PTPRR: variants seen among roughly 807,000 people sequenced by gnomAD.
PTPRR encodes the protein receptor-type tyrosine-protein phosphatase R.
PTPRR carries 38 observed loss-of-function variants against 77.2 expected under a neutral mutation model. That is an observed-to-expected ratio of 0.49 (90% CI 0.38 to 0.65). The LOEUF (loss-of-function observed/expected upper bound fraction) is 0.65. Ranked by LOEUF, PTPRR falls within the 30% of genes least tolerant of loss-of-function variation. PTPRR has a pLI of 0.00. For synonymous variants in PTPRR, 299 were observed against 283.1 expected (o/e 1.06, Z -0.57); for missense variants, 744 against 799.2 (o/e 0.93, Z 0.83).
intron 1 of PTPRR, among the ~76,000 whole-genome samples, chr12:70,905,869 C>A (rs1373700611): frequency 6.6e-6 from 1 of 151,892 alleles, no homozygotes; most frequent in East Asian, 1.9e-4. Context: ...ACTGTGTAAT[C>A]ATTTTTTGAA....
intron 2 of PTPRR, among the ~76,000 whole-genome samples, chr12:70,844,218 C>T (rs1409316449): frequency 6.6e-6 from 1 of 152,068 alleles, no homozygotes; most frequent in Non-Finnish European, 1.5e-5. Flanking sequence ...TTTGTGTTCT[C>T]ACTCCATTTT....
In PTPRR at chr12:70,754,288, T is replaced by C; in HGVS notation, c.641A>G (p.Gln214Arg). The C allele has an allele frequency of 3.1e-6, 5 of 1,613,340 alleles. No individual in the cohort carries two copies. The highest frequency in any genetic ancestry group is 4.2e-6 in the Non-Finnish European group (5 of 1,179,708). ...GATTTTGTCCGCTTCATGCTGCCCTTGTAAAACATTTTTCTTTAAAAGCAA... is the reference window on the plus strand; with the variant it reads ...GATTTTGTCCGCTTCATGCTGCCCTCGTAAAACATTTTTCTTTAAAAGCAA... The part of the protein sequence containing the change: ...TEVSPEKNVL[Q>R]GQHEADKIWS... Residue 214 changes from glutamine to arginine, a missense_variant, in exon 5 of 14, where the codon CAA (glutamine) becomes CGA (arginine). Physicochemically the swap from Gln to Arg is conservative, Grantham distance 43. This residue lies in a region of PTPRR where 570 missense variants were observed against 573.2 expected (regional missense o/e 0.99). Coordinates refer to ENST00000283228, the MANE Select transcript of PTPRR (RefSeq NM_002849.4).
At chr12:70,827,149 A>G (rs1477704512) in intron 2 of PTPRR, among the ~76,000 whole-genome samples, 1 of 152,162 alleles carries the variant, frequency 6.6e-6, no homozygotes, top group Non-Finnish European at 1.5e-5. Flanking sequence ...GGCATTTATC[A>G]TGATCTATAA....
chr12:70,806,104 C>G (rs1891705037), intron 2 of PTPRR, among the ~76,000 whole-genome samples: 1 of 152,140 alleles, frequency 6.6e-6, no homozygotes, highest in African/African-American at 2.4e-5. Context: ...GTTGACCAAC[C>G]AACCAATTAC....
intron 2 of PTPRR, among the ~76,000 whole-genome samples, chr12:70,858,324 C>T (rs1024900350): frequency 6.6e-6 from 1 of 152,112 alleles, no homozygotes; most frequent in African/African-American, 2.4e-5. Context: ...CTATTTCCAT[C>T]TTGGACTCTG....
intron 10 of PTPRR, among the ~76,000 whole-genome samples, chr12:70,668,785 C>T (rs1887106408): frequency 1.3e-5 from 2 of 152,124 alleles, no homozygotes; most frequent in African/African-American, 2.4e-5. Flanking sequence ...ATACTTACTA[C>T]ATACCCACAA....
At chr12:70,913,386 C>T (rs920837588) in intron 1 of PTPRR, among the ~76,000 whole-genome samples, 4 of 152,220 alleles carry the variant, frequency 2.6e-5, no homozygotes, top group African/African-American at 9.6e-5. Flanking sequence ...AAGCCACTGT[C>T]TCACACTCCC....
At chr12:70,878,025 G>T (rs1893082325) in intron 2 of PTPRR, among the ~76,000 whole-genome samples, 1 of 152,120 alleles carries the variant, frequency 6.6e-6, no homozygotes, top group Non-Finnish European at 1.5e-5. Context: ...AACAAATGGT[G>T]CTGGGAAAAC....
At chr12:70,821,969 C>T (rs1465745673) in intron 2 of PTPRR, among the ~76,000 whole-genome samples, 2 of 152,142 alleles carry the variant, frequency 1.3e-5, no homozygotes, top group African/African-American at 2.4e-5. Context: ...CGGCCGAAAC[C>T]TATGTATTTA....
intron 1 of PTPRR, among the ~76,000 whole-genome samples, chr12:70,917,160 G>A (rs570087660): frequency 5.3e-5 from 8 of 152,078 alleles, no homozygotes; most frequent in African/African-American, 1.7e-4. Flanking sequence ...TTTACCATTC[G>A]TATTATTGTG....
At chr12:70,743,955 T>C (rs1341785388) in intron 6 of PTPRR, among the ~76,000 whole-genome samples, 1 of 152,178 alleles carries the variant, frequency 6.6e-6, no homozygotes, top group Non-Finnish European at 1.5e-5. Flanking sequence ...AAAATTTGTC[T>C]TTTAATCAGT....
chr12:70,727,356 A>G (rs1889479301), intron 6 of PTPRR, among the ~76,000 whole-genome samples: 1 of 152,134 alleles, frequency 6.6e-6, no homozygotes, highest in South Asian at 2.1e-4. Flanking sequence ...AAAGGGATTG[A>G]TTGAAGACCT....
intron 6 of PTPRR, among the ~76,000 whole-genome samples, chr12:70,737,419 G>A (rs1472495542): frequency 1.3e-5 from 2 of 151,940 alleles, no homozygotes; most frequent in Non-Finnish European, 2.9e-5. Context: ...AAGATTCTGG[G>A]CCCCATTTTT....
chr12:70,676,859 C>CT (rs60254808), intron 10 of PTPRR, among the ~76,000 whole-genome samples: 57,431 of 139,662 alleles, frequency 0.41, 14,493 homozygotes, highest in African/African-American at 0.71. Flanking sequence ...ATGCCTCCAG[C>CT]TTTTTTTTTT....
intron 6 of PTPRR, among the ~76,000 whole-genome samples, chr12:70,735,360 G>T (rs1409161493): frequency 2.0e-5 from 3 of 152,352 alleles, no homozygotes; most frequent in East Asian, 3.9e-4. Context: ...GGCAGAAGGT[G>T]AAGGAGGAGC....
At chr12:70,834,351 C>T (rs1012045449) in intron 2 of PTPRR, among the ~76,000 whole-genome samples, 5 of 152,092 alleles carry the variant, frequency 3.3e-5, no homozygotes, top group African/African-American at 1.2e-4. Flanking sequence ...AGCTGTCTGC[C>T]ACTGCACATC....
intron 2 of PTPRR, among the ~76,000 whole-genome samples, chr12:70,838,743 A>G (rs1177130265): frequency 6.6e-6 from 1 of 152,164 alleles, no homozygotes; most frequent in Non-Finnish European, 1.5e-5. Flanking sequence ...AGGACAGTAA[A>G]TGGGCACCTA....
intron 2 of PTPRR, among the ~76,000 whole-genome samples, chr12:70,878,235 C>T (rs547882588): frequency 6.6e-6 from 1 of 152,024 alleles, no homozygotes; most frequent in East Asian, 1.9e-4. Context: ...GCAACAAAAG[C>T]CAAAATTGAC....
chr12:70,678,093 T>G (rs936224225), intron 10 of PTPRR, among the ~76,000 whole-genome samples: 1 of 152,036 alleles, frequency 6.6e-6, no homozygotes, highest in Non-Finnish European at 1.5e-5. Context: ...CAGGCTGGAG[T>G]ACAGTGGCAT....
Sources: gnomAD v4.1 joint callset for allele counts (sites outside exome capture counted in the v4.1 genomes callset) on GRCh38, gnomAD v4.1.1 for gene constraint, gnomAD v4.1.1 regional missense constraint, MANE v1.5 for transcripts, NCBI Gene and HGNC (gene_info 2026-07-23, HGNC 2026-07-21) for gene names.